The following ACAP2 variants were observed in gnomAD, a reference collection of about 807,000 sequenced individuals.
The protein encoded by ACAP2 is ArfGAP with coiled-coil, ankyrin repeat and PH domains 2.
In ACAP2, 39 loss-of-function variants were observed where a neutral mutation model predicts 115.8. The observed-to-expected ratio is 0.34, with a 90% CI of 0.26 to 0.44. ACAP2 has a LOEUF of 0.44. Ranked by LOEUF, ACAP2 falls within the 20% of genes least tolerant of loss-of-function variation. The pLI, the probability that ACAP2 is intolerant of heterozygous loss-of-function variation, is 1.00. For missense variants in ACAP2, 662 were observed against 927.6 expected, an observed-to-expected ratio of 0.71 and a Z score of 3.72; for synonymous variants, 289 against 315.8, an observed-to-expected ratio of 0.92 and a Z score of 0.90.
At chr3:195,346,944 G>A (rs1731225541) in intron 4 of ACAP2, among the ~76,000 whole-genome samples, 1 of 152,210 alleles carries the variant, frequency 6.6e-6, no homozygotes, top group Non-Finnish European at 1.5e-5. Flanking sequence ...AAAAATCAGC[G>A]ATTTCCACTG....
chr3:195,399,848 T>C (rs554544902), intron 1 of ACAP2, among the ~76,000 whole-genome samples: 1 of 152,012 alleles, frequency 6.6e-6, no homozygotes, highest in East Asian at 1.9e-4. Flanking sequence ...ATTTAAAAAA[T>C]AAAAAAATTT....
At chr3:195,304,617 C>A (rs921130187) in intron 13 of ACAP2, among the ~76,000 whole-genome samples, 2 of 152,164 alleles carry the variant, frequency 1.3e-5, no homozygotes, top group Non-Finnish European at 2.9e-5. Flanking sequence ...ATCGACTTCA[C>A]CTGAAAGGTG....
At chr3:195,380,938 A>C (rs1260145309) in intron 4 of ACAP2, 71 bp downstream of exon 4, 1 of 1,355,616 alleles carries the variant, frequency 7.4e-7, no homozygotes, top group African/African-American at 1.5e-5. Flanking sequence ...TCATTTCATA[A>C]AACATTGCGA....
chr3:195,384,822 C>T (rs1352391430), intron 2 of ACAP2, among the ~76,000 whole-genome samples: 5 of 152,148 alleles, frequency 3.3e-5, no homozygotes, highest in Admixed American at 1.3e-4. Context: ...ACTGGGTACA[C>T]ACTTTTTTAC....
intron 10 of ACAP2, among the ~76,000 whole-genome samples, chr3:195,318,236 T>A (rs901005044): frequency 1.3e-5 from 2 of 152,318 alleles, no homozygotes; most frequent in Admixed American, 1.3e-4. Flanking sequence ...GGTAGTATCT[T>A]TATAGCAGTG....
intron 1 of ACAP2, among the ~76,000 whole-genome samples, chr3:195,405,269 T>G (rs1712658473): frequency 6.6e-6 from 1 of 152,284 alleles, no homozygotes; most frequent in South Asian, 2.1e-4. Context: ...ATGGCTATGG[T>G]TACTGTTACC....
intron 9 of ACAP2, among the ~76,000 whole-genome samples, chr3:195,324,392 C>T (rs1267341086): frequency 6.6e-6 from 1 of 152,096 alleles, no homozygotes; most frequent in African/African-American, 2.4e-5. Context: ...TAGTCTGGAT[C>T]AACTGACTAC....
chr3:195,319,515 G>C (rs372937322), intron 10 of ACAP2, among the ~76,000 whole-genome samples: 1 of 152,216 alleles, frequency 6.6e-6, no homozygotes, highest in Non-Finnish European at 1.5e-5. Context: ...GAACCCACCC[G>C]CTGCATAGCC....
chr3:195,321,023 T>C (rs1729412366), intron 9 of ACAP2, among the ~76,000 whole-genome samples: 1 of 152,116 alleles, frequency 6.6e-6, no homozygotes, highest in South Asian at 2.1e-4. Flanking sequence ...GTGGATTATT[T>C]TATGCAATAC....
chr3:195,290,215 A>T (rs1019675274), intron 20 of ACAP2, among the ~76,000 whole-genome samples: 19 of 152,036 alleles, frequency 1.2e-4, no homozygotes, highest in Admixed American at 7.2e-4. Context: ...AAAAAAATTT[A>T]AAAATTAGCC....
intron 1 of ACAP2, among the ~76,000 whole-genome samples, chr3:195,396,391 T>A (rs1355934872): frequency 6.6e-6 from 1 of 151,932 alleles, no homozygotes; most frequent in Non-Finnish European, 1.5e-5. Flanking sequence ...AGCAATAAAC[T>A]TTCTAAGCTA....
chr3:195,434,989 A>C (rs1715422787), intron 1 of ACAP2, among the ~76,000 whole-genome samples: 1 of 150,448 alleles, frequency 6.6e-6, no homozygotes, highest in Admixed American at 6.6e-5. Context: ...CTCTAACTAA[A>C]GATGTGTCCA....
chr3:195,286,722 G>A (rs985321219), intron 21 of ACAP2, among the ~76,000 whole-genome samples: 3 of 152,132 alleles, frequency 2.0e-5, no homozygotes, highest in Admixed American at 2.0e-4. Flanking sequence ...TTGGCATTTG[G>A]GTTTTCACAG....
rs749352761 is a variant in ACAP2, at chr3:195,377,138, C to CTTTTTTTTTTTTTTTT, written c.285+3855_285+3870dup. 9.7e-4 allele frequency among the ~76,000 whole-genome samples: 75 copies of CTTTTTTTTTTTTTTTT among 77,108 alleles called. 12 individuals are homozygous for CTTTTTTTTTTTTTTTT. Among genetic ancestry groups the CTTTTTTTTTTTTTTTT allele is most frequent in the East Asian group, 3.7e-3 (6 of 1,600 alleles). 50.6% of individuals were successfully genotyped at this position (77,108 alleles called of 152,430 possible). ...CATTTTACAGAGGAGGAATGTAAAT[C>CTTTTTTTTTTTTTTTT]TTTTTTTTTTTTTTTTTTTTTTTGG... is the stretch of plus-strand genomic sequence containing the variant. On this transcript the variant is annotated intron_variant, in intron 4 of 22. Transcript: ENST00000326793.
chr3:195,392,197 C>A, intron 1 of ACAP2, 50 bp from the exon 2 acceptor site: 3 of 1,431,988 alleles, frequency 2.1e-6, no homozygotes, highest in Non-Finnish European at 2.9e-6. Context: ...TAAATGTACA[C>A]TTTACTCTTG....
At chr3:195,377,481 G>A (rs1438737034) in intron 4 of ACAP2, among the ~76,000 whole-genome samples, 2 of 152,058 alleles carry the variant, frequency 1.3e-5, no homozygotes, top group African/African-American at 2.4e-5. Flanking sequence ...GAAATTAAAT[G>A]ACTTCCCTAA....
chr3:195,333,053 G>C lies in ACAP2; in HGVS notation c.644C>G (p.Pro215Arg). Residue 215 changes from proline (P) to arginine (R), a missense_variant, in exon 8 of 23, where the codon CCC becomes CGC. Physicochemically the swap from Pro to Arg is moderately radical, Grantham distance 103. Transcript: ENST00000326793. ...QGYDLFSELGPYMKDLGAQLD... is the reference protein window; with the variant it reads ...QGYDLFSELGRYMKDLGAQLD... Reference sequence around the variant, plus strand: ...CTGTGCACCAAGATCCTTCATGTAGGGTCCAAGTTCACTAAACAGATCATA... The same window carrying C: ...CTGTGCACCAAGATCCTTCATGTAGCGTCCAAGTTCACTAAACAGATCATA... 6.2e-7 allele frequency: 1 copy of C among 1,608,882 alleles called. No individual in the cohort carries two copies. Among genetic ancestry groups the C allele is most frequent in the Non-Finnish European group, 8.5e-7 (1 of 1,177,640 alleles).
rs869134113 is a variant in ACAP2, at chr3:195,372,987, C to CAAAA, written c.285+8018_285+8021dup. ...TGGGCGACAGAGCGAGACTCCATCT[C>CAAAA]AAAAAAAAAAAAAAAAAAAAAAAAA... is the stretch of plus-strand genomic sequence containing the variant. On this transcript the variant is annotated intron_variant, in intron 4 of 22. Transcript: ENST00000326793. Among the ~76,000 whole-genome samples, 61 of 17,760 alleles carry CAAAA rather than the reference C, an allele frequency of 3.4e-3. 6 individuals carry two copies. The highest frequency in any genetic ancestry group is 8.9e-3 in the African/African-American group (47 of 5,272). The allele number at this position is 17,760 out of a possible 152,430, so 11.7% of individuals were successfully genotyped here.
intron 20 of ACAP2, among the ~76,000 whole-genome samples, chr3:195,290,102 G>C (rs947704403): frequency 6.6e-6 from 1 of 152,180 alleles, no homozygotes; most frequent in Non-Finnish European, 1.5e-5. Flanking sequence ...GGCTGGGCAA[G>C]GTAAGCACCT....
Sources: gnomAD v4.1 joint callset for allele counts (sites outside exome capture counted in the v4.1 genomes callset) on GRCh38, gnomAD v4.1.1 for gene constraint, MANE v1.5 for transcripts, NCBI Gene and HGNC (gene_info 2026-07-23, HGNC 2026-07-21) for gene names.